Variants in THOP1 observed in about 807,000 individuals in gnomAD.
THOP1 encodes thimet oligopeptidase 1, also known as thimet oligopeptidase.
THOP1 carries 49 observed loss-of-function variants against 71.8 expected under a neutral mutation model. The observed-to-expected ratio is 0.68, with a 90% CI of 0.54 to 0.87. The LOEUF is 0.87. Ranked by LOEUF, THOP1 falls within the 40% of genes least tolerant of loss-of-function variation. The pLI is 0.00. For missense variants in THOP1, 843 were observed against 975.6 expected (o/e 0.86, Z 1.81); for synonymous variants, 426 against 421.5 (o/e 1.01, Z -0.13).
chr19:2,789,757 T>TAACAGCAGTATCATCTCTA (rs1915833893), intron 1 of THOP1, among the ~76,000 whole-genome samples: 2 of 151,986 alleles, frequency 1.3e-5, no homozygotes, highest in Non-Finnish European at 2.9e-5. Flanking sequence ...GGGGGATTTT[T>TAACAGCAGTATCATCTCTA]TTTTTTTCTC....
rs1244430346 is a variant in THOP1 at position 2,807,828 on chromosome 19, G to A, written c.1253+20G>A. 1 of 1,446,012 alleles carries A rather than the reference G, an allele frequency of 6.9e-7. No individual in the cohort carries two copies. Among genetic ancestry groups the A allele is most frequent in the Non-Finnish European group, 9.1e-7 (1 of 1,102,862 alleles). 89.6% of individuals were successfully genotyped at this position (1,446,012 alleles called of 1,614,324 possible). On this transcript the variant is annotated intron_variant, in intron 8 of 12. Transcript: ENST00000307741. ...CCCGCGGTGGGTGAGGGCAGCGGGGGCGGGGGGCGCACCCCGGCCCTGGGT... is the reference window on the plus strand; with the variant it reads ...CCCGCGGTGGGTGAGGGCAGCGGGGACGGGGGGCGCACCCCGGCCCTGGGT...
At chr19:2,788,884 C>T (rs1474720318) in intron 1 of THOP1, among the ~76,000 whole-genome samples, 1 of 152,062 alleles carries the variant, frequency 6.6e-6, no homozygotes, top group Non-Finnish European at 1.5e-5. Context: ...TCTCGGCCTC[C>T]AGAGTAGCTA....
chr19:2,805,964 G>A lies in THOP1; in HGVS notation c.750+788G>A, dbSNP rs1293859927. On this transcript the variant is annotated intron_variant, in intron 6 of 12. Transcript: ENST00000307741. This position sits in a 1 kb window ranked among gnomAD's most constrained non-coding sequence, Gnocchi z 6.6. ...GGGCGGGTGCCCATCACTGCGGGGGGATGGGCGGGTGCCCATCACTGCGGG... is the reference window on the plus strand; with the variant it reads ...GGGCGGGTGCCCATCACTGCGGGGGAATGGGCGGGTGCCCATCACTGCGGG... 8.8e-6 allele frequency: 1 copy of A among 113,974 alleles called. No individual in the cohort carries two copies. Among genetic ancestry groups the A allele is most frequent in the Non-Finnish European group, 1.8e-5 (1 of 56,476 alleles). The allele number at this position is 113,974 out of a possible 1,614,324, so 7.1% of individuals were successfully genotyped here.
In THOP1 at chr19:2,796,077, C is replaced by G; in HGVS notation, c.379-4C>G. ...TCCTACATGCTTTGATGTTTTTATTCCAGGAGAAAGTTCAGAAGGACTCAC... is the reference window on the plus strand; with the variant it reads ...TCCTACATGCTTTGATGTTTTTATTGCAGGAGAAAGTTCAGAAGGACTCAC... On this transcript the variant is annotated splice_region_variant and splice_polypyrimidine_tract_variant and intron_variant, in intron 3 of 12. Transcript: ENST00000307741. 1 of 1,612,202 alleles carries G rather than the reference C, an allele frequency of 6.2e-7. No individual in the cohort carries two copies. The highest frequency in any genetic ancestry group is 8.5e-7 in the Non-Finnish European group (1 of 1,178,698).
At chr19:2,800,240 C>T (rs1916115039) in intron 5 of THOP1, among the ~76,000 whole-genome samples, 1 of 152,174 alleles carries the variant, frequency 6.6e-6, no homozygotes, top group Non-Finnish European at 1.5e-5. Context: ...GGCTGGAGTG[C>T]AGTGGTGCGA....
At chr19:2,808,076 G>A (rs1916355560) in intron 8 of THOP1, 167 bp from the exon 9 acceptor site, 6 of 877,154 alleles carry the variant, frequency 6.8e-6, no homozygotes, top group Admixed American at 2.9e-5. Flanking sequence ...CCTGGCCGTG[G>A]TTTTCATGCT....
intron 6 of THOP1, chr19:2,806,569 G>C (rs1418780035): frequency 6.1e-6 from 2 of 329,730 alleles, no homozygotes; most frequent in Non-Finnish European, 1.1e-5. Context: ...TGCTGGTGGC[G>C]ATAGGCAGAG....
Position 2,807,476 on chromosome 19 carries a change from G to A in THOP1, c.921G>A (p.Glu307=), listed in dbSNP as rs1453954936. 1.2e-6 allele frequency: 2 copies of A among 1,607,108 alleles called. No individual in the cohort carries two copies. Among genetic ancestry groups the A allele is most frequent in the Non-Finnish European group, 1.7e-6 (2 of 1,177,078 alleles). The change falls in exon 8 of 13, where the codon GAG becomes GAA. Residue 307 remains glutamate, a synonymous_variant. Transcript: ENST00000307741. ...CGCAGAAGCTGAAGCCCCTGGGGGA[G>A]CAGGAGCGTGCGGTGATTCTGGAGC... ...ELAQKLKPLG[E]QERAVILELK...
intron 1 of THOP1, among the ~76,000 whole-genome samples, chr19:2,789,284 T>C (rs1441956052): frequency 2.0e-5 from 3 of 152,356 alleles, no homozygotes; most frequent in South Asian, 4.1e-4. Flanking sequence ...CCCTGGGCCC[T>C]GCACGGTTAG....
intron 5 of THOP1, among the ~76,000 whole-genome samples, chr19:2,802,403 TGACACCCCCACCTCCC>T (rs1916170606): frequency 1.7e-4 from 1 of 5,918 alleles, no homozygotes; most frequent in African/African-American, 7.3e-4. Context: ...TAACACCTCC[TGACACCCCCACCTCCC>T]GACACCCCCA....
chr19:2,795,858 G>A, intron 3 of THOP1: 1 of 457,890 alleles, frequency 2.2e-6, no homozygotes, highest in Non-Finnish European at 4.0e-6. Context: ...CACTGGTGAA[G>A]GAGCTCTGGA....
In THOP1 at chr19:2,800,767, G is replaced by A. The variant is rs185576668; in HGVS notation, c.589+976G>A. Among the ~76,000 whole-genome samples, 343 of 152,166 alleles carry A rather than the reference G, an allele frequency of 2.3e-3. 3 individuals are homozygous for A. Among genetic ancestry groups the A allele is most frequent in the Middle Eastern group, 0.017 (5 of 294 alleles). On this transcript the variant is annotated intron_variant, in intron 5 of 12. Coordinates refer to ENST00000307741, the MANE Select transcript of THOP1 (RefSeq NM_003249.5). ...GAGAGACGACGGGCTACAATCTGCCGTAAAGCACGTTTCCCAGCCTGCCCC... is the reference window on the plus strand; with the variant it reads ...GAGAGACGACGGGCTACAATCTGCCATAAAGCACGTTTCCCAGCCTGCCCC...
At chr19:2,792,012 C>G (rs1309999736) in intron 2 of THOP1, among the ~76,000 whole-genome samples, 1 of 152,248 alleles carries the variant, frequency 6.6e-6, no homozygotes, top group Non-Finnish European at 1.5e-5. Flanking sequence ...TGGCTTCTCT[C>G]TGATCACAGA....
Position 2,785,653 on chromosome 19 carries a change from C to T in THOP1, c.-10C>T. ...GGAGGGAGGGAGCCGCAGGCGCAGA[C>T]CCACCCGCCATGAAGCCCCCCGCAG... On this transcript the variant is annotated 5_prime_UTR_variant, in exon 1 of 13. Transcript: ENST00000307741. 1 of 1,489,882 alleles carries T rather than the reference C, an allele frequency of 6.7e-7. No individual in the cohort carries two copies. The highest frequency in any genetic ancestry group is 2.8e-5 in the East Asian group (1 of 36,108). The allele number at this position is 1,489,882 out of a possible 1,614,324, so 92.3% of individuals were successfully genotyped here.
At position 2,813,154 on chromosome 19, in the gene THOP1, G is replaced by A. The variant is rs573433180; in HGVS notation, c.1948G>A (p.Gly650Ser). 38 of 1,612,028 alleles carry A rather than the reference G, an allele frequency of 2.4e-5. No individual in the cohort carries two copies. The highest frequency in any genetic ancestry group is 3.1e-5 in the Non-Finnish European group (36 of 1,179,556). Residue 650 changes from glycine (G) to serine (S), a missense_variant, in exon 13 of 13, where the codon GGT (glycine) becomes AGT (serine). By Grantham distance (56) the Gly-to-Ser change is moderately conservative. Coordinates refer to ENST00000307741, the MANE Select transcript of THOP1 (RefSeq NM_003249.5). ...CAGAAGCTGCATCCTGAGACCCGGC[G>A]GTTCCGAGGATGCCAGCGCCATGCT... ...DYRSCILRPG[G>S]SEDASAMLRR...
Position 2,785,637 on chromosome 19 carries a change from G to T in THOP1, c.-26G>T. ...CGCGTAGCAGGTGGAAGGAGGGAGGGAGCCGCAGGCGCAGACCCACCCGCC... is the reference window on the plus strand; with the variant it reads ...CGCGTAGCAGGTGGAAGGAGGGAGGTAGCCGCAGGCGCAGACCCACCCGCC... On this transcript the variant is annotated 5_prime_UTR_variant, in exon 1 of 13. Transcript: ENST00000307741. The T allele has an allele frequency of 1.3e-6, 2 of 1,504,484 alleles. No individual in the cohort carries two copies. The highest frequency in any genetic ancestry group is 1.3e-5 in the South Asian group (1 of 78,648). The allele number at this position is 1,504,484 out of a possible 1,614,324, so 93.2% of individuals were successfully genotyped here.
chr19:2,796,849 A>G (rs1455590570), intron 4 of THOP1, among the ~76,000 whole-genome samples: 2 of 152,174 alleles, frequency 1.3e-5, no homozygotes, highest in Non-Finnish European at 2.9e-5. Context: ...GAGGCTCGGT[A>G]ACGAGGGGAG....
rs576934828 is a variant in THOP1, at chr19:2,806,718, G to T, written c.751-199G>T. The T allele has an allele frequency of 1.2e-4, 102 of 846,650 alleles. 1 individual carries two copies. In the East Asian group the frequency reaches 2.8e-3, roughly 23 times the overall value. The allele number at this position is 846,650 out of a possible 1,614,324, so 52.4% of individuals were successfully genotyped here. On this transcript the variant is annotated intron_variant, in intron 6 of 12. Transcript: ENST00000307741. ...CCTTAGAGTCATCTGCACCCCTTCT[G>T]GTTCCAAAAAGGCCTTGGGATTATG...
Position 2,808,243 on chromosome 19 carries a change from G to A in THOP1, c.1254G>A (p.Arg418=). 1 of 1,546,388 alleles carries A rather than the reference G, an allele frequency of 6.5e-7. No individual in the cohort carries two copies. Among genetic ancestry groups the A allele is most frequent in the African/African-American group, 1.4e-5 (1 of 73,094 alleles). ...GGCCTGACGCTGCCTCCCTCCCCAG[G>A]GAAGGAAAGTACGGGCACGCGGCCT... is the stretch of plus-strand genomic sequence containing the variant. The part of the protein sequence containing the change: ...VGKFYLDLYP[R]EGKYGHAACF... The change falls in exon 9 of 13, where the codon CGG becomes CGA. Residue 418 remains arginine, a splice_region_variant and synonymous_variant. Coordinates refer to ENST00000307741, the MANE Select transcript of THOP1 (RefSeq NM_003249.5).
Sources: allele counts gnomAD v4.1 joint callset (sites outside exome capture counted in the v4.1 genomes callset), GRCh38; gene constraint gnomAD v4.1.1; non-coding constraint Gnocchi (gnomAD v3.1); transcripts MANE v1.5; gene names NCBI Gene and HGNC (gene_info 2026-07-23, HGNC 2026-07-21).